Variants in KMT2C observed in about 807,000 individuals in gnomAD.
The protein encoded by KMT2C is lysine methyltransferase 2C, also known as histone-lysine N-methyltransferase 2C.
KMT2C carries 88 observed loss-of-function variants against 507.9 expected under a neutral mutation model. The ratio of observed to expected loss-of-function variants is 0.17; its 90% CI spans 0.15 to 0.21. KMT2C has a LOEUF of 0.21. Ranked by LOEUF, KMT2C falls within the 10% of genes least tolerant of loss-of-function variation. The pLI is 1.00. For missense variants in KMT2C, 4,954 were observed against 5,957.8 expected (o/e 0.83, Z 5.55); for synonymous variants, 2,049 against 2,080.8 (o/e 0.98, Z 0.42).
Position 152,248,002 on chromosome 7 carries a change from A to G in KMT2C, c.2432T>C (p.Ile811Thr), listed in dbSNP as rs2095504328. The change falls in exon 14 of 59, where the codon ATC (isoleucine) becomes ACC (threonine). Residue 811 changes from isoleucine (I) to threonine (T), a missense_variant. Around this residue, in one of 29 missense-constraint regions of KMT2C, gnomAD observed 7 missense variants for 72.6 expected, o/e 0.10. Transcript: ENST00000262189. Reference sequence around the variant, plus strand: ...GACTGAGATGTAAGTTGTTGGCATGATGTTTCCAGCAGAGGAACTAAGAGC... The same window carrying G: ...GACTGAGATGTAAGTTGTTGGCATGGTGTTTCCAGCAGAGGAACTAAGAGC... ...PSALSSSAGN[I>T]MPTTYISVTP... is the part of the protein sequence containing the mutation. 6.2e-7 allele frequency: 1 copy of G among 1,614,124 alleles called. No homozygotes were observed. The highest frequency in any genetic ancestry group is 8.5e-7 in the Non-Finnish European group (1 of 1,180,006).
intron 19 of KMT2C, 45 bp from the exon 20 acceptor site, chr7:152,224,224 G>C (rs1304436178): frequency 6.5e-7 from 1 of 1,545,462 alleles, no homozygotes; most frequent in Non-Finnish European, 8.9e-7. Context: ...TATTTTCTTA[G>C]TTACTCAGTT....
chr7:152,217,239 T>A (rs1034065542), intron 23 of KMT2C, among the ~76,000 whole-genome samples: 11 of 152,218 alleles, frequency 7.2e-5, no homozygotes, highest in African/African-American at 2.4e-4. Context: ...GATGATTGTA[T>A]TCTTTCCCTA....
At chr7:152,415,709 T>C (rs1478433834) in intron 1 of KMT2C, among the ~76,000 whole-genome samples, 1 of 152,006 alleles carries the variant, frequency 6.6e-6, no homozygotes, top group Non-Finnish European at 1.5e-5. Context: ...TGAAAACCCA[T>C]TTCTACTAAA....
intron 1 of KMT2C, among the ~76,000 whole-genome samples, chr7:152,412,542 T>A (rs545400394): frequency 0.012 from 1,832 of 152,268 alleles, 43 homozygotes; most frequent in African/African-American, 0.042. Flanking sequence ...ATTATTCTCC[T>A]GGCTCCGTAA....
intron 1 of KMT2C, among the ~76,000 whole-genome samples, chr7:152,407,843 A>G (rs886379367): frequency 6.6e-6 from 1 of 152,308 alleles, no homozygotes; most frequent in African/African-American, 2.4e-5. Flanking sequence ...CAAATATGAC[A>G]CTTTATATTA....
chr7:152,388,827 C>A (rs1444840853), intron 1 of KMT2C, among the ~76,000 whole-genome samples: 1 of 152,248 alleles, frequency 6.6e-6, no homozygotes, highest in Non-Finnish European at 1.5e-5. Flanking sequence ...TGGGTTACTG[C>A]AATCTCTGCC....
chr7:152,139,713 C>G lies in KMT2C; in HGVS notation c.14422G>C (p.Glu4808Gln), dbSNP rs1179701584. The G allele has an allele frequency of 6.2e-7, 1 of 1,613,960 alleles. No individual in the cohort carries two copies. The highest frequency in any genetic ancestry group is 8.5e-7 in the Non-Finnish European group (1 of 1,179,916). ...AGCTTCTCTTTCCTGTTGGCTACTT[C>G]GTTTCGAATGATAGTCCCGATGTAC... The part of the protein sequence containing the change: ...IEYIGTIIRN[E>Q]VANRKEKLYE... Residue 4808 changes from glutamate to glutamine, a missense_variant, in exon 56 of 59, where the codon GAA (glutamate) becomes CAA (glutamine). Glu to Gln is a conservative substitution (Grantham distance 29). This residue lies in a region of KMT2C where 133 missense variants were observed against 258.9 expected (regional missense o/e 0.51). Coordinates refer to ENST00000262189, the MANE Select transcript of KMT2C (RefSeq NM_170606.3).
intron 34 of KMT2C, among the ~76,000 whole-genome samples, chr7:152,183,853 G>A (rs1449381850): frequency 1.2e-4 from 18 of 149,404 alleles, no homozygotes; most frequent in African/African-American, 4.0e-4. Flanking sequence ...CCAAGATTGC[G>A]CCATTGCACT....
At chr7:152,248,737 G>A (rs2095516443) in intron 13 of KMT2C, 117 bp from the exon 14 acceptor site, 1 of 627,230 alleles carries the variant, frequency 1.6e-6, no homozygotes, top group Admixed American at 3.1e-5. Flanking sequence ...ATTCATCAAA[G>A]CAGACAATTA....
intron 6 of KMT2C, among the ~76,000 whole-genome samples, chr7:152,280,370 G>A (rs1302646392): frequency 2.0e-5 from 3 of 151,506 alleles, no homozygotes; most frequent in South Asian, 4.2e-4. Context: ...GTAAAACCCC[G>A]TCTCTACTAA....
chr7:152,158,469 G>C (rs2092233323), intron 44 of KMT2C, among the ~76,000 whole-genome samples: 1 of 151,632 alleles, frequency 6.6e-6, no homozygotes, highest in African/African-American at 2.4e-5. Flanking sequence ...TCCTTGTCCA[G>C]ATGTCTTTTA....
intron 52 of KMT2C, among the ~76,000 whole-genome samples, chr7:152,147,158 C>CTTTTT (rs35312668): frequency 1.4e-5 from 2 of 146,592 alleles, no homozygotes; most frequent in African/African-American, 5.0e-5. Flanking sequence ...TATTTTCAGA[C>CTTTTT]TTTTTTTTTT....
intron 1 of KMT2C, among the ~76,000 whole-genome samples, chr7:152,364,021 C>T (rs1405695724): frequency 6.6e-6 from 1 of 152,132 alleles, no homozygotes; most frequent in Non-Finnish European, 1.5e-5. Context: ...TGAGACACAC[C>T]TTTAGGAGCA....
intron 6 of KMT2C, among the ~76,000 whole-genome samples, chr7:152,297,055 CAGAGAGAGAGAGAGAGAGAGAGAG>C (rs769381866): frequency 2.4e-5 from 2 of 84,436 alleles, no homozygotes; most frequent in South Asian, 9.0e-4. Flanking sequence ...GAAAGAAAGA[CAGAGAGAGAGAGAGAGAGAGAGAG>C]AGAGAGAGAG....
chr7:152,414,506 C>G (rs569356516), intron 1 of KMT2C, among the ~76,000 whole-genome samples: 159 of 152,102 alleles, frequency 1.0e-3, no homozygotes, highest in African/African-American at 3.5e-3. Flanking sequence ...CCAGCCTGGG[C>G]AACAAGCACG....
At chr7:152,358,703 A>T (rs2129231607) in intron 1 of KMT2C, 28 bp from the exon 2 acceptor site, 1 of 1,364,888 alleles carries the variant, frequency 7.3e-7, no homozygotes. Flanking sequence ...AATAATAAGT[A>T]CATAGAGTTA....
chr7:152,233,881 C>T (rs748419591), intron 16 of KMT2C, among the ~76,000 whole-genome samples: 3 of 152,206 alleles, frequency 2.0e-5, no homozygotes, highest in Non-Finnish European at 2.9e-5. Flanking sequence ...ACTGGTGGCT[C>T]ATCCCGTAAT....
chr7:152,349,840 C>G (rs904727749), intron 2 of KMT2C, among the ~76,000 whole-genome samples: 6 of 151,994 alleles, frequency 3.9e-5, no homozygotes, highest in Non-Finnish European at 1.5e-5. Context: ...ATGTACCACT[C>G]TAGTATAGGA....
At chr7:152,167,611 C>T (rs2092787537) in intron 41 of KMT2C, among the ~76,000 whole-genome samples, 1 of 152,096 alleles carries the variant, frequency 6.6e-6, no homozygotes, top group Admixed American at 6.6e-5. Context: ...TAACTTAGCA[C>T]TTATAAATAT....
Sources: gnomAD v4.1 joint callset for allele counts (sites outside exome capture counted in the v4.1 genomes callset) on GRCh38, gnomAD v4.1.1 for gene constraint, gnomAD v4.1.1 regional missense constraint, MANE v1.5 for transcripts, NCBI Gene and HGNC (gene_info 2026-07-23, HGNC 2026-07-21) for gene names.